Variants in LIMK2 observed in about 807,000 individuals in gnomAD.
The protein encoded by LIMK2 is LIM domain kinase 2.
In LIMK2, 35 loss-of-function variants were observed where a neutral mutation model predicts 75.7. The ratio of observed to expected loss-of-function variants is 0.46; its 90% CI spans 0.35 to 0.61. The LOEUF (loss-of-function observed/expected upper bound fraction) is 0.61, where lower values mean the gene tolerates loss of function less well. LIMK2 is among the 20% of genes least tolerant of loss of function. LIMK2 has a pLI of 0.00. For missense variants in LIMK2, 623 were observed against 831.0 expected (o/e 0.75, Z 3.08); for synonymous variants, 301 against 319.2 (o/e 0.94, Z 0.61).
chr22:31,235,267 C>G (rs1454508705), intron 2 of LIMK2, among the ~76,000 whole-genome samples: 1 of 150,968 alleles, frequency 6.6e-6, no homozygotes, highest in Non-Finnish European at 1.5e-5. Flanking sequence ...CTTCCCCTTC[C>G]CCTTCCCCAC....
rs1057249703 is a variant in LIMK2, at chr22:31,225,701, C to G, written c.17-19C>G. 3.1e-6 allele frequency: 5 copies of G among 1,607,906 alleles called. No individual in the cohort carries two copies. The highest frequency in any genetic ancestry group is 4.3e-6 in the Non-Finnish European group (5 of 1,175,148). On this transcript the variant is annotated intron_variant, in intron 1 of 15. Coordinates refer to ENST00000331728, the MANE Select transcript of LIMK2 (RefSeq NM_005569.4). ...CTCCTGCTACTTTGGGCCTCTCAAC[C>G]TCTTGGTTTTGTGTGCAGGTGAAGA...
At chr22:31,221,727 C>T (rs1166479608) in intron 1 of LIMK2, among the ~76,000 whole-genome samples, 1 of 152,206 alleles carries the variant, frequency 6.6e-6, no homozygotes, top group Non-Finnish European at 1.5e-5. Flanking sequence ...TTGTGATCCA[C>T]CTGCCTCAGC....
chr22:31,244,388 G>A (rs1216759603), intron 2 of LIMK2, among the ~76,000 whole-genome samples: 1 of 152,164 alleles, frequency 6.6e-6, no homozygotes, highest in African/African-American at 2.4e-5. Context: ...AATTACAGGG[G>A]AACATAATAG....
At chr22:31,216,026 A>G (rs953402864) in intron 1 of LIMK2, among the ~76,000 whole-genome samples, 16 of 152,172 alleles carry the variant, frequency 1.1e-4, no homozygotes, top group African/African-American at 3.9e-4. Context: ...TCTGGTGGGG[A>G]GAGATAGACA....
intron 2 of LIMK2, among the ~76,000 whole-genome samples, chr22:31,249,226 C>T (rs912170190): frequency 6.6e-6 from 1 of 152,222 alleles, no homozygotes; most frequent in African/African-American, 2.4e-5. Context: ...GTGTGGGTAG[C>T]CTGGTACACA....
At chr22:31,276,730 C>T in intron 15 of LIMK2, 1 of 1,483,570 alleles carries the variant, frequency 6.7e-7, no homozygotes, top group East Asian at 2.6e-5. Flanking sequence ...GCGTTGGCGG[C>T]CCCGGCCCCG....
chr22:31,252,014 G>C (rs1456908396), intron 2 of LIMK2, among the ~76,000 whole-genome samples: 3 of 152,198 alleles, frequency 2.0e-5, no homozygotes, highest in African/African-American at 4.8e-5. Context: ...CTCAGGACAT[G>C]GGAGGGCTTA....
At chr22:31,222,017 T>C (rs1249887529) in intron 1 of LIMK2, among the ~76,000 whole-genome samples, 1 of 152,170 alleles carries the variant, frequency 6.6e-6, no homozygotes, top group Non-Finnish European at 1.5e-5. Context: ...TGCAGTGCAT[T>C]ATGCAGAAAG....
At chr22:31,260,595 GTGTC>G (rs1327829885) in intron 5 of LIMK2, among the ~76,000 whole-genome samples, 1 of 152,186 alleles carries the variant, frequency 6.6e-6, no homozygotes, top group Non-Finnish European at 1.5e-5. Flanking sequence ...GAAAGAGTCT[GTGTC>G]TATCTAATAC....
chr22:31,257,074 T>A (rs1335959540), intron 2 of LIMK2, among the ~76,000 whole-genome samples: 42 of 83,420 alleles, frequency 5.0e-4, no homozygotes, highest in Admixed American at 1.1e-3. Flanking sequence ...TTTTTTTTTT[T>A]AGAGACGGGG....
rs200760397 is a variant in LIMK2 at position 31,222,081 on chromosome 22, C to CT, written c.17-3630dup. Among the ~76,000 whole-genome samples, 768 of 150,848 alleles carry CT rather than the reference C, an allele frequency of 5.1e-3. 12 individuals carry two copies. The highest frequency in any genetic ancestry group is 0.018 in the African/African-American group (734 of 41,114). On this transcript the variant is annotated intron_variant, in intron 1 of 15. Coordinates refer to ENST00000331728, the MANE Select transcript of LIMK2 (RefSeq NM_005569.4). ...GTGTAGACAACTTTTTTTCTTTTTTCTTTTTTTTTGAGTTGGAGTTTCACT... is the reference window on the plus strand; with the variant it reads ...GTGTAGACAACTTTTTTTCTTTTTTCTTTTTTTTTTGAGTTGGAGTTTCACT...
intron 1 of LIMK2, among the ~76,000 whole-genome samples, chr22:31,213,941 G>GA (rs1158052342): frequency 1.3e-5 from 2 of 151,300 alleles, no homozygotes; most frequent in African/African-American, 4.9e-5. Flanking sequence ...TCAGCCTCCC[G>GA]AGTAGCTGGG....
At chr22:31,225,854 A>G in intron 2 of LIMK2, 35 bp downstream of exon 2, 2 of 1,432,906 alleles carry the variant, frequency 1.4e-6, no homozygotes, top group Non-Finnish European at 2.0e-6. Context: ...TTACCAGTGT[A>G]CTATGGGCCA....
chr22:31,260,646 T>C (rs1456397929), intron 5 of LIMK2, among the ~76,000 whole-genome samples: 1 of 152,132 alleles, frequency 6.6e-6, no homozygotes, highest in African/African-American at 2.4e-5. Context: ...ACCATGTAAA[T>C]ATTGATTGTG....
Position 31,269,054 on chromosome 22 carries a change from GTTTTTTTGTTT to G in LIMK2, c.1317+861_1317+871del, listed in dbSNP as rs151233920. ...GGTTTTTTTGTTTGTTTGTTTGTTTGTTTTTTTGTTTTTTTTTCCTGTTTCTGGGGCTTGAA... is the reference window on the plus strand; with the variant it reads ...GGTTTTTTTGTTTGTTTGTTTGTTTGTTTTTTCCTGTTTCTGGGGCTTGAA... On this transcript the variant is annotated intron_variant, in intron 11 of 15. Coordinates refer to ENST00000331728, the MANE Select transcript of LIMK2 (RefSeq NM_005569.4). Among the ~76,000 whole-genome samples the G allele has an allele frequency of 1.7e-3, 244 of 146,494 alleles. 1 individual carries two copies. The highest frequency in any genetic ancestry group is 3.2e-3 in the Non-Finnish European group (208 of 64,730).
At chr22:31,225,524 C>A (rs1403004241) in intron 1 of LIMK2, among the ~76,000 whole-genome samples, 196 bp from the exon 2 acceptor site, 1 of 152,162 alleles carries the variant, frequency 6.6e-6, no homozygotes, top group African/African-American at 2.4e-5. Context: ...AGTTCCTTGT[C>A]CCTGGAGAGA....
At chr22:31,225,065 A>C (rs757820152) in intron 1 of LIMK2, among the ~76,000 whole-genome samples, 1 of 152,142 alleles carries the variant, frequency 6.6e-6, no homozygotes, top group Non-Finnish European at 1.5e-5. Context: ...CCTTATGAGA[A>C]TCTCACTAAT....
intron 2 of LIMK2, chr22:31,248,227 G>A: frequency 1.7e-6 from 1 of 592,082 alleles, no homozygotes; most frequent in Non-Finnish European, 2.5e-6. Context: ...CCTCGATCCA[G>A]CCCAGCTCCA....
chr22:31,256,035 G>A (rs1005082311), intron 2 of LIMK2, among the ~76,000 whole-genome samples: 18 of 77,288 alleles, frequency 2.3e-4, no homozygotes, highest in South Asian at 1.3e-3. Flanking sequence ...ATCTTGCTCT[G>A]TTGTCCAGGC....
Sources: allele counts gnomAD v4.1 joint callset (sites outside exome capture counted in the v4.1 genomes callset), GRCh38; gene constraint gnomAD v4.1.1; transcripts MANE v1.5; gene names NCBI Gene and HGNC (gene_info 2026-07-23, HGNC 2026-07-21).